The following PRKAR1A variants were observed in gnomAD, a reference collection of about 807,000 sequenced individuals.
The protein encoded by PRKAR1A is cAMP-dependent protein kinase type I-alpha regulatory subunit.
A neutral mutation model predicts 52.0 loss-of-function variants in PRKAR1A; 3 were observed. The observed-to-expected ratio is 0.06, with a 90% CI of 0.03 to 0.15. The LOEUF is 0.15. PRKAR1A is among the 10% of genes least tolerant of loss of function. The pLI, the probability that PRKAR1A is intolerant of heterozygous loss-of-function variation, is 1.00. For missense variants in PRKAR1A, 240 were observed against 477.4 expected (o/e 0.50, Z 4.63); for synonymous variants, 188 against 168.4 (o/e 1.12, Z -0.90).
At chr17:68,426,249 C>CGGGG in the PRKAR1A span, 207 of 787,960 alleles carry the variant, frequency 2.6e-4, 6 homozygotes, top group African/African-American at 3.4e-3. Flanking sequence ...GGGTGGGGAG[C>CGGGG]GGGGGCTCAA....
chr17:68,543,868 G>T, intron 11 of PRKAR1A: 1 of 736,064 alleles, frequency 1.4e-6, no homozygotes, highest in Non-Finnish European at 2.4e-6. Context: ...AGTCAGGAAT[G>T]GCCTGTGGCT....
downstream of PRKAR1A, chr17:68,536,733 C>G (rs779236117): frequency 2.2e-6 from 1 of 453,974 alleles, no homozygotes; most frequent in South Asian, 1.6e-5. Context: ...GGAGGACTTT[C>G]CTTTTTTTTT....
chr17:68,525,618 T>G, intron 6 of PRKAR1A, 136 bp from the exon 7 acceptor site: 1 of 897,176 alleles, frequency 1.1e-6, no homozygotes, highest in Non-Finnish European at 1.8e-6. Flanking sequence ...TTCTCTGTTG[T>G]GTACTGCAAA....
At chr17:68,424,813 G>GACC in the PRKAR1A span, among the ~76,000 whole-genome samples, 1 of 151,822 alleles carries the variant, frequency 6.6e-6, no homozygotes, top group African/African-American at 2.4e-5. Flanking sequence ...GGAGGCAGAG[G>GACC]CTGCAGCGAG....
the PRKAR1A span, among the ~76,000 whole-genome samples, chr17:68,472,010 G>A: frequency 1.3e-5 from 2 of 152,230 alleles, no homozygotes; most frequent in East Asian, 3.9e-4. Flanking sequence ...TACCATGTTG[G>A]CCAGACTGGT....
the PRKAR1A span, among the ~76,000 whole-genome samples, chr17:68,430,428 C>T: frequency 6.6e-6 from 1 of 152,196 alleles, no homozygotes; most frequent in South Asian, 2.1e-4. Flanking sequence ...TTAAAGAAGG[C>T]TTATCTGATG....
At chr17:68,455,236 G>A in the PRKAR1A span, among the ~76,000 whole-genome samples, 2 of 151,754 alleles carry the variant, frequency 1.3e-5, no homozygotes, top group African/African-American at 4.8e-5. Flanking sequence ...GGTGGTACAC[G>A]TTTGTAATCC....
the PRKAR1A span, among the ~76,000 whole-genome samples, chr17:68,416,790 T>TAGA: frequency 0.39 from 59,287 of 151,638 alleles, 13,128 homozygotes; most frequent in Admixed American, 0.53. Context: ...TTTGCATTAC[T>TAGA]AGAAGTATGT....
At chr17:68,433,478 C>T in the PRKAR1A span, 23 of 1,613,746 alleles carry the variant, frequency 1.4e-5, no homozygotes, top group South Asian at 2.4e-4. Context: ...CTGTTGGTGA[C>T]CTGTTCCAGC....
At chr17:68,427,752 C>A in the PRKAR1A span, among the ~76,000 whole-genome samples, 3 of 152,216 alleles carry the variant, frequency 2.0e-5, no homozygotes, top group Non-Finnish European at 2.9e-5. Context: ...GTCCTCTGCT[C>A]TTCCCAGTAC....
At chr17:68,476,473 G>A in the PRKAR1A span, among the ~76,000 whole-genome samples, 3 of 152,138 alleles carry the variant, frequency 2.0e-5, no homozygotes, top group African/African-American at 7.2e-5. Context: ...AAGGCATGTA[G>A]TGAAAAGTGT....
chr17:68,477,372 A>G, the PRKAR1A span, among the ~76,000 whole-genome samples: 1 of 152,238 alleles, frequency 6.6e-6, no homozygotes, highest in Non-Finnish European at 1.5e-5. Flanking sequence ...GCCAAGACTC[A>G]CTATGAGACT....
In PRKAR1A at chr17:68,529,008, T is replaced by A. The variant is rs1295837729; in HGVS notation, c.891+17T>A. 1.2e-6 allele frequency: 2 copies of A among 1,613,424 alleles called. No individual in the cohort carries two copies. Among genetic ancestry groups the A allele is most frequent in the Non-Finnish European group, 8.5e-7 (1 of 1,179,578 alleles). On this transcript the variant is annotated intron_variant, in intron 9 of 10. Coordinates refer to ENST00000589228, the MANE Select transcript of PRKAR1A (RefSeq NM_002734.5). ...ATTTTAGAGGTAAAGAACTCAGAAT[T>A]TAATACTTGAATTTTAGAGGTAAAG...
At chr17:68,541,773 T>C (rs1162652883) in intron 11 of PRKAR1A, 7 of 544,408 alleles carry the variant, frequency 1.3e-5, no homozygotes, top group Non-Finnish European at 2.3e-5. Flanking sequence ...TAACACCTAG[T>C]GTTGGGTATA....
At chr17:68,472,870 G>A in the PRKAR1A span, among the ~76,000 whole-genome samples, 225 of 152,130 alleles carry the variant, frequency 1.5e-3, no homozygotes, top group East Asian at 0.015. Context: ...ACTTCAACCC[G>A]GGAGGCGGAG....
the PRKAR1A span, among the ~76,000 whole-genome samples, chr17:68,438,445 A>G: frequency 6.6e-6 from 1 of 152,236 alleles, no homozygotes; most frequent in Admixed American, 6.5e-5. Flanking sequence ...GAAGGCAGTC[A>G]GGAGATCTGG....
chr17:68,490,497 A>G, the PRKAR1A span, among the ~76,000 whole-genome samples: 1 of 152,184 alleles, frequency 6.6e-6, no homozygotes, highest in African/African-American at 2.4e-5. Context: ...GGCTAATCTG[A>G]GGACCTCCTG....
At chr17:68,414,415 G>A in the PRKAR1A span, among the ~76,000 whole-genome samples, 3 of 152,248 alleles carry the variant, frequency 2.0e-5, no homozygotes, top group East Asian at 1.9e-4. Flanking sequence ...TTGATATGTT[G>A]TTGGATTCAG....
chr17:68,480,511 C>T, the PRKAR1A span, among the ~76,000 whole-genome samples: 1 of 152,152 alleles, frequency 6.6e-6, no homozygotes, highest in Non-Finnish European at 1.5e-5. Flanking sequence ...TTTAGTTTCT[C>T]AGGGGAAAAC....
Sources: gnomAD v4.1 joint callset for allele counts (sites outside exome capture counted in the v4.1 genomes callset) on GRCh38, gnomAD v4.1.1 for gene constraint, MANE v1.5 for transcripts, NCBI Gene and HGNC (gene_info 2026-07-23, HGNC 2026-07-21) for gene names.